The following PKD1L1 variants were observed in gnomAD, a reference collection of about 807,000 sequenced individuals.
PKD1L1 encodes polycystin-1-like protein 1.
PKD1L1 carries 236 observed loss-of-function variants against 323.4 expected under a neutral mutation model. The observed-to-expected ratio is 0.73, with a 90% CI of 0.66 to 0.81. PKD1L1 has a LOEUF of 0.81. Among genes scored for constraint, PKD1L1 ranks in the 40% least tolerant of loss-of-function variants. The pLI, the probability that PKD1L1 is intolerant of heterozygous loss-of-function variation, is 0.00. For synonymous variants in PKD1L1, 1,344 were observed against 1,335.0 expected (o/e 1.01, Z -0.15); for missense variants, 3,320 against 3,508.0 (o/e 0.95, Z 1.35).
At chr7:47,924,716 C>T (rs1304857948) in intron 7 of PKD1L1, among the ~76,000 whole-genome samples, 1 of 152,150 alleles carries the variant, frequency 6.6e-6, no homozygotes, top group African/African-American at 2.4e-5. Context: ...ATCTTGGCCT[C>T]TGCATTACAG....
chr7:47,881,882 T>C (rs1786561058), intron 20 of PKD1L1, 27 bp downstream of exon 20: 4 of 1,535,732 alleles, frequency 2.6e-6, no homozygotes, highest in Non-Finnish European at 3.5e-6. Context: ...CACTGCAAAT[T>C]GGAGGGTACA....
rs574073075 is a variant in PKD1L1 at position 47,887,859 on chromosome 7, C to A, written c.2836+131G>T. 1.2e-5 allele frequency: 11 copies of A among 891,040 alleles called. No individual in the cohort carries two copies. The East Asian group carries it at 1.4e-4, about 11-fold the overall frequency. The allele number at this position is 891,040 out of a possible 1,614,324, so 55.2% of individuals were successfully genotyped here. ...AGAGGCAAGAGGGGCTGGGGAAGCA[C>A]GACGGACCGTTCACCAGGCAGATCA... On this transcript the variant is annotated intron_variant, in intron 17 of 56. Coordinates refer to ENST00000289672, the MANE Select transcript of PKD1L1 (RefSeq NM_138295.5).
intron 33 of PKD1L1, 53 bp from the exon 34 acceptor site, chr7:47,843,222 AG>A: frequency 7.1e-7 from 1 of 1,403,926 alleles, no homozygotes; most frequent in Non-Finnish European, 9.8e-7. Context: ...ATAGACATAT[AG>A]GAAAAGACTG....
chr7:47,862,265 T>G (rs1393829581), intron 26 of PKD1L1, among the ~76,000 whole-genome samples: 1 of 152,208 alleles, frequency 6.6e-6, no homozygotes, highest in South Asian at 2.1e-4. Context: ...AACAAACAGA[T>G]GGCATGACCA....
intron 56 of PKD1L1, among the ~76,000 whole-genome samples, chr7:47,792,189 C>T (rs944005049): frequency 6.6e-6 from 1 of 152,194 alleles, no homozygotes; most frequent in African/African-American, 2.4e-5. Flanking sequence ...GATACACTGT[C>T]TAACTTGGAG....
intron 4 of PKD1L1, among the ~76,000 whole-genome samples, chr7:47,933,026 G>C (rs1199686181): frequency 6.6e-6 from 1 of 152,200 alleles, no homozygotes; most frequent in Non-Finnish European, 1.5e-5. Flanking sequence ...GGAGCTCAGA[G>C]AATAGACCTG....
chr7:47,776,607 G>C (rs1247535372), intron 56 of PKD1L1, among the ~76,000 whole-genome samples: 1 of 152,208 alleles, frequency 6.6e-6, no homozygotes, highest in Admixed American at 6.6e-5. Context: ...GAATGTAGTA[G>C]GTATTTGGTA....
intron 13 of PKD1L1, 49 bp downstream of exon 13, chr7:47,902,330 G>C: frequency 6.2e-7 from 1 of 1,603,292 alleles, no homozygotes; most frequent in African/African-American, 1.3e-5. Flanking sequence ...CCAACTCAGA[G>C]GGAGGCTGAA....
At chr7:47,853,093 C>G (rs878950733) in intron 31 of PKD1L1, 34 bp downstream of exon 31, 2 of 1,427,028 alleles carry the variant, frequency 1.4e-6, no homozygotes, top group South Asian at 2.3e-5. Context: ...ATCATGTAAA[C>G]AGAAAGGGAA....
At chr7:47,922,742 G>A (rs868659314) in intron 7 of PKD1L1, among the ~76,000 whole-genome samples, 9 of 149,868 alleles carry the variant, frequency 6.0e-5, no homozygotes, top group Admixed American at 2.6e-4. Context: ...CAGCCGCCCC[G>A]TTGGGGAGGT....
Position 47,792,657 on chromosome 7 carries a change from T to G in PKD1L1, c.8496A>C (p.Leu2832Phe), listed in dbSNP as rs745554436. 2 of 1,614,058 alleles carry G rather than the reference T, an allele frequency of 1.2e-6. No homozygotes were observed. ...TGEARTEESPLVDISSYQAAE... is the reference protein window; with the variant it reads ...TGEARTEESPFVDISSYQAAE... ...CAGCTTGGTAACTAGAAATGTCCAC[T>G]AAGGGACTCTCTTCTGTCCTTGCCT... The change falls in exon 56 of 57, where the codon TTA becomes TTC. Residue 2832 changes from leucine (L) to phenylalanine (F), a missense_variant. Physicochemically the swap from Leu to Phe is conservative, Grantham distance 22. Coordinates refer to ENST00000289672, the MANE Select transcript of PKD1L1 (RefSeq NM_138295.5).
At chr7:47,861,020 T>G (rs1786011275) in intron 26 of PKD1L1, among the ~76,000 whole-genome samples, 1 of 152,172 alleles carries the variant, frequency 6.6e-6, no homozygotes, top group Admixed American at 6.5e-5. Flanking sequence ...CCATGTGCTA[T>G]TCCCCTGACT....
intron 45 of PKD1L1, among the ~76,000 whole-genome samples, chr7:47,826,835 A>G (rs1321685993): frequency 6.6e-6 from 1 of 152,242 alleles, no homozygotes; most frequent in Non-Finnish European, 1.5e-5. Context: ...AAAATATTTT[A>G]TGAGAACCAT....
intron 52 of PKD1L1, among the ~76,000 whole-genome samples, chr7:47,807,727 C>G (rs2128728235): frequency 6.6e-6 from 1 of 152,256 alleles, no homozygotes; most frequent in Non-Finnish European, 1.5e-5. Context: ...TGGTAGGAGC[C>G]CCCATCCCTG....
intron 54 of PKD1L1, among the ~76,000 whole-genome samples, chr7:47,797,373 T>C (rs1045994601): frequency 6.6e-6 from 1 of 152,222 alleles, no homozygotes; most frequent in African/African-American, 2.4e-5. Flanking sequence ...TGTGTTATCA[T>C]CTCTTGTGGT....
intron 46 of PKD1L1, chr7:47,818,256 C>A: frequency 1.6e-6 from 2 of 1,241,484 alleles, no homozygotes; most frequent in South Asian, 1.4e-5. Context: ...AGCCAGGGGG[C>A]ACAGAGATGC....
chr7:47,791,308 A>T lies in PKD1L1; in HGVS notation c.8526+1319T>A, dbSNP rs146410124. Among the ~76,000 whole-genome samples the T allele has an allele frequency of 1.8e-3, 268 of 152,182 alleles. 5 individuals carry two copies. Among genetic ancestry groups the T allele is most frequent in the African/African-American group, 6.3e-3 (263 of 41,534 alleles). ...TTTTTCTCTTGCAGAATTTTCCCAAATATGTCATCCATATAGTTTATTCTC... is the reference window on the plus strand; with the variant it reads ...TTTTTCTCTTGCAGAATTTTCCCAATTATGTCATCCATATAGTTTATTCTC... On this transcript the variant is annotated intron_variant, in intron 56 of 56. Transcript: ENST00000289672.
At chr7:47,914,531 G>C (rs749864380) in intron 8 of PKD1L1, among the ~76,000 whole-genome samples, 2 of 152,182 alleles carry the variant, frequency 1.3e-5, no homozygotes, top group Non-Finnish European at 2.9e-5. Flanking sequence ...GAAGAGGCTT[G>C]GGCCACCTGG....
chr7:47,789,846 A>G (rs1300329233), intron 56 of PKD1L1, among the ~76,000 whole-genome samples: 2 of 152,154 alleles, frequency 1.3e-5, no homozygotes, highest in African/African-American at 4.8e-5. Flanking sequence ...TATAGTAAAT[A>G]CTATCCATTT....
Sources: allele counts gnomAD v4.1 joint callset (sites outside exome capture counted in the v4.1 genomes callset), GRCh38; gene constraint gnomAD v4.1.1; transcripts MANE v1.5; gene names NCBI Gene and HGNC (gene_info 2026-07-23, HGNC 2026-07-21).